Variants in ATP8A1 observed in about 807,000 individuals in gnomAD.
The protein encoded by ATP8A1 is ATPase phospholipid transporting 8A1, also known as phospholipid-transporting ATPase IA.
A neutral mutation model predicts 177.7 loss-of-function variants in ATP8A1; 90 were observed. That is an observed-to-expected ratio of 0.51 (90% CI 0.43 to 0.60). ATP8A1 has a LOEUF of 0.60. Among genes scored for constraint, ATP8A1 ranks in the 20% least tolerant of loss-of-function variants. The pLI is 0.00. For synonymous variants in ATP8A1, 493 were observed against 485.9 expected, an observed-to-expected ratio of 1.01 and a Z score of -0.19; for missense variants, 1,072 against 1,392.8, an observed-to-expected ratio of 0.77 and a Z score of 3.67.
intron 1 of ATP8A1, among the ~76,000 whole-genome samples, chr4:42,652,965 C>T (rs1189271492): frequency 8.0e-6 from 1 of 125,128 alleles, no homozygotes; most frequent in East Asian, 2.1e-4. Flanking sequence ...GTTCCTAATT[C>T]CCGATGTGAA....
chr4:42,625,505 C>T (rs1737967517), intron 3 of ATP8A1, 109 bp downstream of exon 3: 2 of 659,552 alleles, frequency 3.0e-6, no homozygotes, highest in Non-Finnish European at 4.9e-6. Context: ...GAAATGTCCA[C>T]CAAAACCAGC....
rs572408116 is a variant in ATP8A1 at position 42,464,885 on chromosome 4, C to T, written c.2508+8G>A. 47 of 1,613,768 alleles carry T rather than the reference C, an allele frequency of 2.9e-5. No individual in the cohort carries two copies. In the South Asian group the frequency reaches 4.0e-4, roughly 14 times the overall value. On this transcript the variant is annotated splice_region_variant and intron_variant, in intron 26 of 36. Transcript: ENST00000381668. ...GGAATGATGTGTTTTGCAGAAATGA[C>T]GCTTTACCTGAGCTATGGAGTAGTC...
At chr4:42,443,717 G>A (rs41265687) in intron 32 of ATP8A1, 45 bp from the exon 33 acceptor site, 23,525 of 834,574 alleles carry the variant, frequency 0.028, 507 homozygotes, top group Non-Finnish European at 0.033. Flanking sequence ...TATGTAGACC[G>A]AGTACACAAA....
intron 15 of ATP8A1, among the ~76,000 whole-genome samples, chr4:42,566,664 G>A (rs1309128103): frequency 2.0e-5 from 3 of 152,042 alleles, no homozygotes; most frequent in African/African-American, 2.4e-5. Context: ...GAAATATCAA[G>A]GTAAAATGAC....
intron 11 of ATP8A1, 114 bp from the exon 12 acceptor site, chr4:42,578,501 AG>A: frequency 8.5e-7 from 1 of 1,182,976 alleles, no homozygotes; most frequent in Non-Finnish European, 1.2e-6. Context: ...ATAATTTGGG[AG>A]GAACACTTTG....
chr4:42,555,826 ATAAC>A lies in ATP8A1; in HGVS notation c.1413+138_1413+141del, dbSNP rs201546496. On this transcript the variant is annotated intron_variant, in intron 16 of 36. Coordinates refer to ENST00000381668, the MANE Select transcript of ATP8A1 (RefSeq NM_006095.2). ...GCGACAGAGTGAGACTCTGTCTCAAATAACTAACTAACTAACTAAATAAATAAAT... is the reference window on the plus strand; with the variant it reads ...GCGACAGAGTGAGACTCTGTCTCAAATAACTAACTAACTAAATAAATAAAT... 962 of 561,070 alleles carry A rather than the reference ATAAC, an allele frequency of 1.7e-3. 6 individuals are homozygous for A. The highest frequency in any genetic ancestry group is 8.8e-3 in the African/African-American group (449 of 50,816). 34.8% of individuals were successfully genotyped at this position (561,070 alleles called of 1,614,324 possible).
intron 14 of ATP8A1, among the ~76,000 whole-genome samples, chr4:42,570,644 T>C (rs955786602): frequency 6.6e-6 from 1 of 152,240 alleles, no homozygotes; most frequent in Non-Finnish European, 1.5e-5. Flanking sequence ...TAGAGCCCGA[T>C]GAGCAGTAGG....
At chr4:42,510,131 C>A (rs1220827480) in intron 22 of ATP8A1, among the ~76,000 whole-genome samples, 1 of 152,106 alleles carries the variant, frequency 6.6e-6, no homozygotes, top group Non-Finnish European at 1.5e-5. Flanking sequence ...CTGCTGCAAT[C>A]TAGACCATTT....
intron 25 of ATP8A1, among the ~76,000 whole-genome samples, chr4:42,477,157 G>A (rs1445612616): frequency 6.6e-6 from 1 of 152,128 alleles, no homozygotes; most frequent in Non-Finnish European, 1.5e-5. Flanking sequence ...CACACAGGGA[G>A]CACTCAAAAA....
In ATP8A1 at chr4:42,580,850, G is replaced by C. The variant is rs75735956; in HGVS notation, c.834+771C>G. Among the ~76,000 whole-genome samples the C allele has an allele frequency of 7.9e-5, 12 of 152,222 alleles. No homozygotes were observed. In the East Asian group the frequency reaches 2.3e-3, roughly 29 times the overall value. ...TGTGAAGATCAATGCAAGAATTAAA[G>C]CTGATGGCAAAAATAGCCTTACATA... On this transcript the variant is annotated intron_variant, in intron 10 of 36. Transcript: ENST00000381668.
chr4:42,609,640 T>C (rs1560515256), intron 5 of ATP8A1, among the ~76,000 whole-genome samples: 1 of 152,184 alleles, frequency 6.6e-6, no homozygotes, highest in Non-Finnish European at 1.5e-5. Context: ...CCTGGTCTTT[T>C]GATTTGGCAG....
chr4:42,488,406 A>G (rs192530405), intron 24 of ATP8A1, among the ~76,000 whole-genome samples: 1 of 152,142 alleles, frequency 6.6e-6, no homozygotes, highest in Admixed American at 6.5e-5. Flanking sequence ...GCAAAAAAAA[A>G]AACAACAAAC....
chr4:42,466,759 T>C (rs553538546), intron 25 of ATP8A1, among the ~76,000 whole-genome samples: 1 of 152,274 alleles, frequency 6.6e-6, no homozygotes, highest in Non-Finnish European at 1.5e-5. Flanking sequence ...TTAGCTTGAT[T>C]TTTCTTCAAA....
chr4:42,452,205 C>G (rs1207041157), intron 29 of ATP8A1, 146 bp from the exon 30 acceptor site: 1 of 475,112 alleles, frequency 2.1e-6, no homozygotes, highest in Non-Finnish European at 3.8e-6. Context: ...CAGACACTTT[C>G]TGCCTCTTAG....
In ATP8A1 at chr4:42,566,506, C is replaced by T. The variant is rs542305093; in HGVS notation, c.1340+2655G>A. Among the ~76,000 whole-genome samples, 12 of 152,266 alleles carry T rather than the reference C, an allele frequency of 7.9e-5. No homozygotes were observed. The South Asian group carries it at 2.1e-3, about 26-fold the overall frequency. ...GTGAAACCAAGTGGATGAGGTTGGG[C>T]AAATGCTCAAAGTTGTGCAAAGTTG... is the stretch of plus-strand genomic sequence containing the variant. On this transcript the variant is annotated intron_variant, in intron 15 of 36. Transcript: ENST00000381668.
At chr4:42,554,071 G>A (rs1729795547) in intron 16 of ATP8A1, among the ~76,000 whole-genome samples, 1 of 152,216 alleles carries the variant, frequency 6.6e-6, no homozygotes, top group South Asian at 2.1e-4. Context: ...CTTTATGAGT[G>A]AAGAGAGAAC....
intron 27 of ATP8A1, among the ~76,000 whole-genome samples, chr4:42,463,077 G>A (rs1227004122): frequency 6.6e-6 from 1 of 152,144 alleles, no homozygotes; most frequent in Non-Finnish European, 1.5e-5. Flanking sequence ...GAAGGGACTT[G>A]CCTTGTCTCA....
At chr4:42,560,977 A>C (rs933026539) in intron 15 of ATP8A1, among the ~76,000 whole-genome samples, 1 of 152,190 alleles carries the variant, frequency 6.6e-6, no homozygotes, top group Non-Finnish European at 1.5e-5. Context: ...ACTTGTTTTA[A>C]ACATGTTTAT....
chr4:42,644,522 T>C (rs985025182), intron 1 of ATP8A1, among the ~76,000 whole-genome samples: 4 of 152,054 alleles, frequency 2.6e-5, no homozygotes, highest in African/African-American at 9.7e-5. Context: ...AAAAGGAAAG[T>C]CTAAATGCAG....
Sources: allele counts gnomAD v4.1 joint callset (sites outside exome capture counted in the v4.1 genomes callset), GRCh38; gene constraint gnomAD v4.1.1; transcripts MANE v1.5; gene names NCBI Gene and HGNC (gene_info 2026-07-23, HGNC 2026-07-21).